The following MRC1 variants were observed in gnomAD, a reference collection of about 807,000 sequenced individuals.
The protein encoded by MRC1 is mannose receptor C-type 1.
In MRC1, 62 loss-of-function variants were observed where a neutral mutation model predicts 102.9. The ratio of observed to expected loss-of-function variants is 0.60; its 90% confidence interval spans 0.49 to 0.74. The LOEUF (loss-of-function observed/expected upper bound fraction) is 0.74, where lower values mean the gene tolerates loss of function less well. Ranked by LOEUF, MRC1 falls within the 30% of genes least tolerant of loss-of-function variation. The pLI, the probability that MRC1 is intolerant of heterozygous loss-of-function variation, is 0.00. For missense variants in MRC1, 1,237 were observed against 862.8 expected (o/e 1.43, Z -5.43); for synonymous variants, 457 against 298.4 (o/e 1.53, Z -5.48).
intron 11 of MRC1, among the ~76,000 whole-genome samples, chr10:17,864,963 C>CT (rs1833242518): frequency 6.6e-6 from 1 of 152,072 alleles, no homozygotes; most frequent in Non-Finnish European, 1.5e-5. Flanking sequence ...ACCACCCTGC[C>CT]TGCCTCTCTA....
chr10:17,846,741 G>A (rs1326782221), intron 6 of MRC1, among the ~76,000 whole-genome samples: 1 of 152,118 alleles, frequency 6.6e-6, no homozygotes, highest in Non-Finnish European at 1.5e-5. Context: ...ATCATTCCAC[G>A]TAGAATATAA....
intron 27 of MRC1, among the ~76,000 whole-genome samples, chr10:17,907,248 A>G (rs1414516281): frequency 1.3e-5 from 2 of 152,184 alleles, no homozygotes; most frequent in Non-Finnish European, 2.9e-5. Context: ...AGCATTTTCT[A>G]TGTTTTCGTG....
Position 17,809,637 on chromosome 10 carries a change from G to A in MRC1, c.61+111G>A, listed in dbSNP as rs1035006428. The A allele has an allele frequency of 1.8e-4, 143 of 811,312 alleles. 2 individuals carry two copies. The highest frequency in any genetic ancestry group is 1.1e-3 in the South Asian group (80 of 74,938). 50.3% of individuals were successfully genotyped at this position (811,312 alleles called of 1,614,324 possible). On this transcript the variant is annotated intron_variant, in intron 1 of 29. Transcript: ENST00000569591. ...TTCAACATCTTTGTGAGGAGGAAAC[G>A]GGGTTCCCCTGCACCACGCAGTCCA...
chr10:17,816,286 G>A (rs1359913639), intron 1 of MRC1, among the ~76,000 whole-genome samples: 2 of 152,218 alleles, frequency 1.3e-5, no homozygotes, highest in African/African-American at 4.8e-5. Context: ...GCTGTCCTCA[G>A]ACAATTGCAC....
At chr10:17,891,131 TTTTATTTATTTATTTA>T (rs879194856) in intron 22 of MRC1, among the ~76,000 whole-genome samples, 82 of 135,038 alleles carry the variant, frequency 6.1e-4, no homozygotes, top group African/African-American at 7.6e-4. Flanking sequence ...GTATCACTAG[TTTTATTTATTTATTTA>T]TTTATTTATT....
Position 17,890,847 on chromosome 10 carries a change from G to A in MRC1, c.3148-3363G>A, listed in dbSNP as rs1305688880. ...TCACAGCAGGAGGCGGGTGGCAGGC[G>A]AGTGAGCTAAGCTTCATCTATATTT... On this transcript the variant is annotated intron_variant, in intron 22 of 29. Coordinates refer to ENST00000569591, the MANE Select transcript of MRC1 (RefSeq NM_002438.4). Among the ~76,000 whole-genome samples, 4 of 152,214 alleles carry A rather than the reference G, an allele frequency of 2.6e-5. No individual in the cohort carries two copies. In the South Asian group the frequency reaches 6.2e-4, roughly 24 times the overall value.
rs1336539669 is a variant in MRC1 at position 17,861,384 on chromosome 10, T to C, written c.1519-3T>C. 5 of 871,296 alleles carry C rather than the reference T, an allele frequency of 5.7e-6. No individual in the cohort carries two copies. Among genetic ancestry groups the C allele is most frequent in the African/African-American group, 4.9e-5 (3 of 61,298 alleles). 54.0% of individuals were successfully genotyped at this position (871,296 alleles called of 1,614,324 possible). A position where few individuals can be genotyped will look rare whatever the true frequency, so the allele number is the denominator to read the frequency against. The stretch of plus-strand genomic sequence containing the variant: ...TTTATTCACTGCTTGATAACATTAA[T>C]AGGGCTGGAAAAAACATCACTTTTA... On this transcript the variant is annotated splice_polypyrimidine_tract_variant and splice_region_variant and intron_variant, in intron 9 of 29. Transcript: ENST00000569591.
chr10:17,826,121 C>T (rs1302578616), intron 2 of MRC1, among the ~76,000 whole-genome samples: 6 of 152,134 alleles, frequency 3.9e-5, no homozygotes, highest in African/African-American at 1.4e-4. Context: ...CATTATTGTG[C>T]TCTTACTATG....
chr10:17,897,892 T>A, intron 23 of MRC1, 142 bp from the exon 24 acceptor site: 1 of 730,070 alleles, frequency 1.4e-6, no homozygotes. Flanking sequence ...GTGAAATGGC[T>A]TATAAAATAT....
At chr10:17,905,253 A>C (rs1484431447) in intron 26 of MRC1, among the ~76,000 whole-genome samples, 2 of 152,196 alleles carry the variant, frequency 1.3e-5, no homozygotes, top group African/African-American at 2.4e-5. Flanking sequence ...CAGAGGGATT[A>C]GGACAAGTTA....
chr10:17,896,871 T>C (rs1293141348), intron 23 of MRC1, among the ~76,000 whole-genome samples: 3 of 152,144 alleles, frequency 2.0e-5, no homozygotes. Context: ...GTGGAACACA[T>C]TGGAGAAAAG....
chr10:17,851,351 AATT>A (rs1838913740), intron 7 of MRC1, among the ~76,000 whole-genome samples: 2 of 152,116 alleles, frequency 1.3e-5, no homozygotes, highest in South Asian at 2.1e-4. Flanking sequence ...GTAAAGTTAA[AATT>A]ATTGTTTCTA....
chr10:17,850,359 G>A (rs1438054241), intron 7 of MRC1, among the ~76,000 whole-genome samples: 10 of 150,362 alleles, frequency 6.7e-5, no homozygotes, highest in Admixed American at 1.3e-4. Flanking sequence ...CACCACTTTG[G>A]GAGGCCAAGG....
chr10:17,890,782 A>G (rs692706), intron 22 of MRC1, among the ~76,000 whole-genome samples: 106,834 of 152,020 alleles, frequency 0.7, 37,761 homozygotes, highest in African/African-American at 0.75. Flanking sequence ...CCCGTGGGCC[A>G]CAGATGGGTA....
chr10:17,901,560 G>A (rs1222740333), intron 25 of MRC1, among the ~76,000 whole-genome samples: 3 of 151,882 alleles, frequency 2.0e-5, no homozygotes, highest in Non-Finnish European at 4.4e-5. Context: ...CTGGTGGCAG[G>A]CACCTGTAAT....
intron 6 of MRC1, among the ~76,000 whole-genome samples, chr10:17,848,034 C>G (rs1370765622): frequency 6.6e-6 from 1 of 151,550 alleles, no homozygotes; most frequent in Non-Finnish European, 1.5e-5. Context: ...ATTTGAGCCT[C>G]ATGACTGAGT....
chr10:17,826,665 G>A (rs1367014347), intron 2 of MRC1, among the ~76,000 whole-genome samples: 1 of 152,218 alleles, frequency 6.6e-6, no homozygotes, highest in Non-Finnish European at 1.5e-5. Flanking sequence ...GCATTGTTTG[G>A]TTCTTAGTGG....
chr10:17,855,463 C>A (rs921409708), intron 8 of MRC1, among the ~76,000 whole-genome samples: 2 of 144,322 alleles, frequency 1.4e-5, no homozygotes, highest in African/African-American at 5.1e-5. Context: ...CCCAGCTACT[C>A]AGGAGGCTGA....
intron 11 of MRC1, among the ~76,000 whole-genome samples, chr10:17,864,827 C>CAAAAAAAAAAAAAAAAAAAAA (rs34931364): frequency 1.2e-5 from 1 of 80,540 alleles, no homozygotes; most frequent in African/African-American, 4.8e-5. Context: ...AAAACTCCAT[C>CAAAAAAAAAAAAAAAAAAAAA]AAAAAAAAAA....
Sources: gnomAD v4.1 joint callset for allele counts (sites outside exome capture counted in the v4.1 genomes callset) on GRCh38, gnomAD v4.1.1 for gene constraint, MANE v1.5 for transcripts, NCBI Gene and HGNC (gene_info 2026-07-23, HGNC 2026-07-21) for gene names.